The following RUVBL1 variants were observed in gnomAD, a reference collection of about 807,000 sequenced individuals.
The protein encoded by RUVBL1 is RuvB like AAA ATPase 1, also known as ruvB-like 1.
RUVBL1 carries 4 observed loss-of-function variants against 52.4 expected under a neutral mutation model. That is an observed-to-expected ratio of 0.08 (90% CI 0.04 to 0.17). The LOEUF is 0.17. Among genes scored for constraint, RUVBL1 ranks in the 10% least tolerant of loss-of-function variants. The pLI is 1.00. For missense variants in RUVBL1, 298 were observed against 572.8 expected (o/e 0.52, Z 4.90); for synonymous variants, 217 against 214.4 (o/e 1.01, Z -0.10).
chr3:128,123,958 T>C, upstream of RUVBL1: 4 of 1,217,522 alleles, frequency 3.3e-6, no homozygotes, highest in Non-Finnish European at 4.1e-6. Context: ...CCGGGTTGGC[T>C]TCCCCCGTAG....
intron 9 of RUVBL1, among the ~76,000 whole-genome samples, chr3:128,073,050 A>T (rs1459839580): frequency 6.6e-6 from 1 of 152,164 alleles, no homozygotes; most frequent in African/African-American, 2.4e-5. Flanking sequence ...GAAGAAACTG[A>T]GGCCCAGGGA....
At chr3:128,101,409 G>A in intron 5 of RUVBL1, 150 bp downstream of exon 5, 1 of 679,598 alleles carries the variant, frequency 1.5e-6, no homozygotes, top group Non-Finnish European at 2.6e-6. Context: ...TACATAAAGG[G>A]CCACTAGTTG....
chr3:128,087,931 G>T, intron 8 of RUVBL1, 123 bp from the exon 9 acceptor site: 2 of 704,334 alleles, frequency 2.8e-6, no homozygotes, highest in East Asian at 2.8e-5. Context: ...TCAGAGCCAG[G>T]ACCAGAGTAA....
At chr3:128,131,317 A>G (rs1043308130) in intron 1 of RUVBL1, among the ~76,000 whole-genome samples, 7 of 151,928 alleles carry the variant, frequency 4.6e-5, no homozygotes, top group African/African-American at 1.7e-4. Context: ...CATCTCTACT[A>G]AAAATACAAA....
At chr3:128,152,145 T>C (rs1944228100) in intron 1 of RUVBL1, among the ~76,000 whole-genome samples, 2 of 152,360 alleles carry the variant, frequency 1.3e-5, no homozygotes, top group South Asian at 4.1e-4. Context: ...CTTAGGTTTG[T>C]TACCTCTGGT....
intron 1 of RUVBL1, among the ~76,000 whole-genome samples, chr3:128,150,262 CAATATTTGTTAG>C (rs1328073295): frequency 2.6e-5 from 4 of 152,048 alleles, no homozygotes; most frequent in African/African-American, 7.2e-5. Flanking sequence ...GGTGTTCAAT[CAATATTTGTTAG>C]AATATTTGTT....
intron 8 of RUVBL1, among the ~76,000 whole-genome samples, chr3:128,095,944 C>G (rs1210601372): frequency 6.6e-6 from 1 of 152,144 alleles, no homozygotes; most frequent in Non-Finnish European, 1.5e-5. Flanking sequence ...AATAAAGCTT[C>G]TCTATTAAAA....
chr3:128,065,038 G>A (rs1203303118), exon 10 of RUVBL1: 7 of 1,614,060 alleles, frequency 4.3e-6, no homozygotes, highest in Non-Finnish European at 5.9e-6. Context: ...CTATTTCCAG[G>A]TGTGTCCAGA....
Position 128,082,694 on chromosome 3 carries a change from T to G in RUVBL1, c.1120-120A>C. The G allele has an allele frequency of 1.2e-6, 1 of 827,278 alleles. No homozygotes were observed. The highest frequency in any genetic ancestry group is 1.9e-6 in the Non-Finnish European group (1 of 538,412). 51.2% of individuals were successfully genotyped at this position (827,278 alleles called of 1,614,324 possible). A position where few individuals can be genotyped will look rare whatever the true frequency, so the allele number is the denominator to read the frequency against. On this transcript the variant is annotated intron_variant, in intron 9 of 10. Transcript: ENST00000322623. The surrounding 1 kb of genome is among the most constrained non-coding windows in gnomAD (Gnocchi z 4.7). ...GTGCAGCATAAGAGAAACTGAGACC[T>G]GGGTTGGTGGGCAGGGAGCCAACGC...
chr3:128,113,091 G>T (rs1943431124), intron 2 of RUVBL1, 71 bp from the exon 3 acceptor site: 1 of 1,533,204 alleles, frequency 6.5e-7, no homozygotes, highest in South Asian at 1.2e-5. Flanking sequence ...ACATGCTACA[G>T]AACCACCAGG....
At chr3:128,119,932 C>CT (rs769168579) in intron 1 of RUVBL1, among the ~76,000 whole-genome samples, 154 of 152,180 alleles carry the variant, frequency 1.0e-3, no homozygotes, top group Non-Finnish European at 1.7e-3. Context: ...AGAACAGGAA[C>CT]TTACAGTGTG....
At chr3:128,141,304 C>T (rs1482504708) in intron 1 of RUVBL1, among the ~76,000 whole-genome samples, 2 of 152,130 alleles carry the variant, frequency 1.3e-5, no homozygotes, top group Non-Finnish European at 2.9e-5. Context: ...ACAAAATGTC[C>T]CAGGTTCAAA....
At chr3:128,127,572 C>T (rs1002178913), upstream of RUVBL1, among the ~76,000 whole-genome samples, 3 of 152,170 alleles carry the variant, frequency 2.0e-5, no homozygotes, top group African/African-American at 7.2e-5. Context: ...CAGGTCAAGC[C>T]TCCCTCTGCC....
intron 8 of RUVBL1, among the ~76,000 whole-genome samples, chr3:128,088,693 C>T (rs760406311): frequency 1.4e-4 from 21 of 151,808 alleles, no homozygotes; most frequent in Non-Finnish European, 2.1e-4. Context: ...GCCCTGGACT[C>T]CTGGGCTCAA....
Position 128,104,861 on chromosome 3 carries a change from T to G in RUVBL1, c.425A>C (p.Glu142Ala). ...EGEVTELTPC[E>A]TENPMGGYGK... ...ATATCCTCCCATGGGATTCTCTGTC[T>G]CACACGGAGTTAGCTCTGTGACTTC... The change falls in exon 4 of 11, where the codon GAG (glutamate) becomes GCG (alanine). Residue 142 changes from glutamate (E) to alanine (A), a missense_variant. Coordinates refer to ENST00000322623, the MANE Select transcript of RUVBL1 (RefSeq NM_003707.3). The G allele has an allele frequency of 6.2e-7, 1 of 1,613,742 alleles. No homozygotes were observed.
At position 128,082,323 on chromosome 3, in the gene RUVBL1, C is replaced by T; in HGVS notation, c.1211+160G>A. 1 of 601,300 alleles carries T rather than the reference C, an allele frequency of 1.7e-6. No individual in the cohort carries two copies. 37.2% of individuals were successfully genotyped at this position (601,300 alleles called of 1,614,324 possible). A position where few individuals can be genotyped will look rare whatever the true frequency, so the allele number is the denominator to read the frequency against. On this transcript the variant is annotated intron_variant, in intron 10 of 10. Coordinates refer to ENST00000322623, the MANE Select transcript of RUVBL1 (RefSeq NM_003707.3). This position sits in a 1 kb window ranked among gnomAD's most constrained non-coding sequence, Gnocchi z 4.7. ...TAAAAACCATCAGATAGATCCTCTG[C>T]ATTTGAAACTCAAGTGCCCTGGCAC...
intron 1 of RUVBL1, among the ~76,000 whole-genome samples, chr3:128,146,568 C>G (rs1222532917): frequency 7.6e-6 from 1 of 131,306 alleles, no homozygotes; most frequent in Non-Finnish European, 1.6e-5. Context: ...GCATGTGCGT[C>G]TGTGTATCTC....
intron 8 of RUVBL1, among the ~76,000 whole-genome samples, chr3:128,096,126 G>C (rs954975602): frequency 6.6e-6 from 1 of 152,118 alleles, no homozygotes; most frequent in African/African-American, 2.4e-5. Context: ...CAGCCTCAGG[G>C]ACTTTGTCCC....
At chr3:128,114,404 A>G (rs900265735) in intron 2 of RUVBL1, among the ~76,000 whole-genome samples, 2 of 152,238 alleles carry the variant, frequency 1.3e-5, no homozygotes, top group Non-Finnish European at 1.5e-5. Context: ...AAAATGCACT[A>G]GCCAGGAACA....
Sources: allele counts gnomAD v4.1 joint callset (sites outside exome capture counted in the v4.1 genomes callset), GRCh38; gene constraint gnomAD v4.1.1; non-coding constraint Gnocchi (gnomAD v3.1); transcripts MANE v1.5; gene names NCBI Gene and HGNC (gene_info 2026-07-23, HGNC 2026-07-21).